The following ARHGAP32 variants were observed in gnomAD, a reference collection of about 807,000 sequenced individuals.
The protein encoded by ARHGAP32 is rho GTPase-activating protein 32.
Under a neutral mutation model 186.5 loss-of-function variants are expected in ARHGAP32, and 51 were observed. The observed-to-expected ratio is 0.27, with a 90% CI of 0.22 to 0.35. The LOEUF is 0.35. Among genes scored for constraint, ARHGAP32 ranks in the 10% least tolerant of loss-of-function variants. The probability of loss-of-function intolerance (pLI) is 1.00; values close to 1 mark genes in which losing one functional copy is unlikely to be tolerated. For missense variants in ARHGAP32, 2,186 were observed against 2,623.5 expected, an observed-to-expected ratio of 0.83 and a Z score of 3.64; for synonymous variants, 950 against 964.3, an observed-to-expected ratio of 0.99 and a Z score of 0.27.
chr11:129,180,584 T>C lies in ARHGAP32; in HGVS notation c.116+11499A>G, dbSNP rs536601020. Among the ~76,000 whole-genome samples, 590 of 152,276 alleles carry C rather than the reference T, an allele frequency of 3.9e-3. 2 individuals are homozygous for C. Among genetic ancestry groups the C allele is most frequent in the African/African-American group, 0.014 (564 of 41,570 alleles). ...ATATACATTATGGGCCATGCAATGATGAACCAACTCAATAAGAAATTTAGT... is the reference window on the plus strand; with the variant it reads ...ATATACATTATGGGCCATGCAATGACGAACCAACTCAATAAGAAATTTAGT... On this transcript the variant is annotated intron_variant, in intron 1 of 22. Coordinates refer to ENST00000682385, the MANE Select transcript of ARHGAP32 (RefSeq NM_001378024.1).
At chr11:129,204,386 G>C (rs1004963853) in intron 1 of ARHGAP32, among the ~76,000 whole-genome samples, 1 of 152,052 alleles carries the variant, frequency 6.6e-6, no homozygotes, top group Non-Finnish European at 1.5e-5. Flanking sequence ...GTCAGGAAGA[G>C]ACTAGGATGA....
At chr11:129,087,350 T>C (rs781231568) in intron 6 of ARHGAP32, among the ~76,000 whole-genome samples, 8 of 152,224 alleles carry the variant, frequency 5.3e-5, no homozygotes, top group Non-Finnish European at 7.3e-5. Flanking sequence ...TGAGATGTCT[T>C]TCAGTAGATG....
intron 12 of ARHGAP32, 67 bp from the exon 13 acceptor site, chr11:128,988,192 T>C (rs1365163650): frequency 1.7e-6 from 2 of 1,185,238 alleles, no homozygotes; most frequent in Non-Finnish European, 2.4e-6. Flanking sequence ...TGCCAAAAAA[T>C]AAGATTGTCT....
At chr11:129,084,154 A>G (rs1941307333) in intron 6 of ARHGAP32, among the ~76,000 whole-genome samples, 1 of 152,134 alleles carries the variant, frequency 6.6e-6, no homozygotes, top group Non-Finnish European at 1.5e-5. Flanking sequence ...TTAACAGTTA[A>G]TAGCTTTGCA....
At chr11:129,278,495 C>T (rs1945562392) in intron 1 of ARHGAP32, among the ~76,000 whole-genome samples, 1 of 152,150 alleles carries the variant, frequency 6.6e-6, no homozygotes, top group African/African-American at 2.4e-5. Context: ...TTCTTGTGTA[C>T]TGCTTAAGAA....
At chr11:129,232,322 CTGAG>C (rs1174444052) in intron 1 of ARHGAP32, among the ~76,000 whole-genome samples, 1 of 152,092 alleles carries the variant, frequency 6.6e-6, no homozygotes, top group Non-Finnish European at 1.5e-5. Flanking sequence ...AGAAAAGCAC[CTGAG>C]TGACTGAACT....
chr11:129,169,007 A>G (rs1339968792), intron 1 of ARHGAP32, among the ~76,000 whole-genome samples: 2 of 152,204 alleles, frequency 1.3e-5, no homozygotes, highest in African/African-American at 4.8e-5. Context: ...GGATACAACT[A>G]AAGAGGTATT....
intron 5 of ARHGAP32, among the ~76,000 whole-genome samples, chr11:129,106,540 G>A (rs1002165057): frequency 5.9e-5 from 9 of 152,006 alleles, no homozygotes; most frequent in African/African-American, 1.9e-4. Flanking sequence ...GGGTGGCAGT[G>A]AGGAAAAGAT....
At chr11:129,077,023 C>G (rs1180801794) in intron 6 of ARHGAP32, among the ~76,000 whole-genome samples, 3 of 152,170 alleles carry the variant, frequency 2.0e-5, no homozygotes, top group Admixed American at 1.3e-4. Flanking sequence ...AAAGATTTAA[C>G]CTTACCTAGA....
chr11:129,060,346 T>TAGATAGAC (rs987592500), intron 10 of ARHGAP32, among the ~76,000 whole-genome samples: 3 of 118,874 alleles, frequency 2.5e-5, no homozygotes, highest in African/African-American at 8.6e-5. Flanking sequence ...CATAGATAGA[T>TAGATAGAC]AGATAGATAG....
intron 11 of ARHGAP32, among the ~76,000 whole-genome samples, chr11:129,036,493 T>C (rs77780513): frequency 0.012 from 1,769 of 151,956 alleles, 34 homozygotes; most frequent in African/African-American, 0.04. Flanking sequence ...ATAGTACATC[T>C]GAGTCAATAC....
intron 2 of ARHGAP32, among the ~76,000 whole-genome samples, chr11:129,137,174 C>T (rs1942954826): frequency 6.6e-6 from 1 of 150,652 alleles, no homozygotes; most frequent in East Asian, 1.9e-4. Context: ...AAACAGGTTA[C>T]CTTCTAACTA....
intron 2 of ARHGAP32, among the ~76,000 whole-genome samples, chr11:129,161,460 GA>G (rs200849168): frequency 0.074 from 10,828 of 146,538 alleles, 541 homozygotes; most frequent in Non-Finnish European, 0.11. Context: ...AAATTTACAA[GA>G]AAAAAAAAAC....
At chr11:129,206,657 T>C (rs1944518186) in intron 1 of ARHGAP32, among the ~76,000 whole-genome samples, 1 of 152,162 alleles carries the variant, frequency 6.6e-6, no homozygotes, top group African/African-American at 2.4e-5. Flanking sequence ...GAAAACAGGT[T>C]CGGTATATTC....
At chr11:129,057,328 C>A (rs2135113347) in intron 10 of ARHGAP32, among the ~76,000 whole-genome samples, 1 of 152,214 alleles carries the variant, frequency 6.6e-6, no homozygotes, top group South Asian at 2.1e-4. Flanking sequence ...TCCTGCCTGC[C>A]TTGAGCCTGA....
rs61912961 is a variant in ARHGAP32 at position 129,267,914 on chromosome 11, G to C, written c.-5+11232C>G. Among the ~76,000 whole-genome samples, 844 of 152,160 alleles carry C rather than the reference G, an allele frequency of 5.5e-3. 2 individuals are homozygous for C. Among genetic ancestry groups the C allele is most frequent in the Middle Eastern group, 0.051 (15 of 294 alleles). Reference sequence around the variant, plus strand: ...GGTACCAGGCTCTTTTCCACAACCAGCTCTCTGTGGGGAACTAACGGAGGG... The same window carrying C: ...GGTACCAGGCTCTTTTCCACAACCACCTCTCTGTGGGGAACTAACGGAGGG... On this transcript the variant is annotated intron_variant, in intron 1 of 6. Coordinates refer to the ARHGAP32 transcript ENST00000525234.
rs140574265 is a variant in ARHGAP32 at position 128,974,640 on chromosome 11, C to T, written c.2557G>A (p.Gly853Ser). The T allele has an allele frequency of 2.4e-5, 38 of 1,614,198 alleles. 1 individual carries two copies. In the Middle Eastern group the frequency reaches 4.9e-4, roughly 21 times the overall value. ...CCTGGAGTCTGACATTGGCTACTAC[C>T]TGTTTCTGCATCCTTTTTATTGGCA... ...PSANKKDAET[G>S]SSQCQTPGST... is the part of the protein sequence containing the mutation. The change falls in exon 21 of 23, where the codon GGT (glycine) becomes AGT (serine). Residue 853 changes from glycine to serine, a missense_variant. Gly to Ser is a moderately conservative substitution (Grantham distance 56, BLOSUM62 0). This residue lies in a region of ARHGAP32 where 5 missense variants were observed against 16.6 expected (regional missense o/e 0.30). Transcript: ENST00000682385.
At chr11:129,259,067 G>A (rs974058243) in intron 1 of ARHGAP32, among the ~76,000 whole-genome samples, 1 of 152,062 alleles carries the variant, frequency 6.6e-6, no homozygotes, top group African/African-American at 2.4e-5. Context: ...GAAATAATAC[G>A]CACAAATGCA....
intron 2 of ARHGAP32, among the ~76,000 whole-genome samples, chr11:129,150,197 T>C (rs969977023): frequency 6.2e-5 from 9 of 145,526 alleles, no homozygotes; most frequent in Non-Finnish European, 7.5e-5. Context: ...CTAAGAAAAA[T>C]AGGTGTTCCT....
Sources: gnomAD v4.1 joint callset for allele counts (sites outside exome capture counted in the v4.1 genomes callset) on GRCh38, gnomAD v4.1.1 for gene constraint, gnomAD v4.1.1 regional missense constraint, MANE v1.5 for transcripts, NCBI Gene and HGNC (gene_info 2026-07-23, HGNC 2026-07-21) for gene names.